The following WNK2 variants were observed in gnomAD, a reference collection of about 807,000 sequenced individuals.
WNK2 encodes the protein WNK lysine deficient protein kinase 2.
WNK2 carries 67 observed loss-of-function variants against 192.1 expected under a neutral mutation model. The observed-to-expected ratio is 0.35, with a 90% CI of 0.29 to 0.43. The LOEUF (loss-of-function observed/expected upper bound fraction) is 0.43. Among genes scored for constraint, WNK2 ranks in the 20% least tolerant of loss-of-function variants. The pLI, the probability that WNK2 is intolerant of heterozygous loss-of-function variation, is 1.00. For missense variants in WNK2, 2,698 were observed against 3,089.7 expected (o/e 0.87, Z 3.01); for synonymous variants, 1,439 against 1,393.9 (o/e 1.03, Z -0.72).
intron 8 of WNK2, among the ~76,000 whole-genome samples, chr9:93,250,782 CTT>C (rs35468086): frequency 8.4e-6 from 1 of 118,620 alleles, no homozygotes; most frequent in Non-Finnish European, 1.7e-5. Flanking sequence ...AACTCATTCA[CTT>C]TTTTTTTTTT....
intron 2 of WNK2, among the ~76,000 whole-genome samples, chr9:93,196,367 C>G (rs963150830): frequency 2.0e-5 from 3 of 152,196 alleles, no homozygotes; most frequent in African/African-American, 7.2e-5. Context: ...AATCTGGAAT[C>G]TGGAGATGGC....
At chr9:93,303,309 G>A (rs1178137816) in intron 26 of WNK2, among the ~76,000 whole-genome samples, 1 of 152,162 alleles carries the variant, frequency 6.6e-6, no homozygotes, top group African/African-American at 2.4e-5. Flanking sequence ...GGTTCTGTTG[G>A]TTCTGCTTGT....
At chr9:93,187,208 T>C (rs1829503404) in intron 2 of WNK2, among the ~76,000 whole-genome samples, 2 of 152,132 alleles carry the variant, frequency 1.3e-5, no homozygotes. Flanking sequence ...CGCAGGCGCA[T>C]GTGACTCTTG....
chr9:93,231,751 G>A (rs972935978), intron 4 of WNK2, among the ~76,000 whole-genome samples: 1 of 152,224 alleles, frequency 6.6e-6, no homozygotes, highest in African/African-American at 2.4e-5. Context: ...GCCCTCCTGT[G>A]AGAAGCCTTC....
intron 2 of WNK2, among the ~76,000 whole-genome samples, chr9:93,186,067 G>A (rs1829265574): frequency 1.3e-5 from 2 of 152,118 alleles, no homozygotes; most frequent in African/African-American, 4.8e-5. Context: ...GCTCTGGGCT[G>A]CCCATAAATT....
chr9:93,268,043 C>G lies in WNK2; in HGVS notation c.3891C>G (p.Asn1297Lys). ...TGEESRQSQANAPVYQQNVLH... is the reference protein window; with the variant it reads ...TGEESRQSQAKAPVYQQNVLH... ...AGGAGAGCCGACAATCCCAAGCCAA[C>G]GCCCCCGTGTATCAGCAGAACGGTG... is the stretch of plus-strand genomic sequence containing the variant. Residue 1297 changes from asparagine to lysine, a missense_variant, in exon 18 of 30, where the codon AAC (asparagine) becomes AAG (lysine). This residue lies in a region of WNK2 where 1,098 missense variants were observed against 1,101.0 expected (regional missense o/e 1.00). Coordinates refer to ENST00000427277, the MANE Select transcript of WNK2 (RefSeq NM_006648.4). The G allele has an allele frequency of 3.1e-6, 5 of 1,612,170 alleles. No homozygotes were observed. The highest frequency in any genetic ancestry group is 4.2e-6 in the Non-Finnish European group (5 of 1,179,188).
At chr9:93,193,335 T>TG (rs1479144148) in intron 2 of WNK2, among the ~76,000 whole-genome samples, 1 of 152,190 alleles carries the variant, frequency 6.6e-6, no homozygotes, top group African/African-American at 2.4e-5. Context: ...CCTTCATGGC[T>TG]GGGGGCTCTA....
chr9:93,306,910 G>C (rs758288774), intron 27 of WNK2, 89 bp downstream of exon 27: 88 of 1,548,118 alleles, frequency 5.7e-5, no homozygotes, highest in Non-Finnish European at 7.7e-5. Flanking sequence ...GCGGCCGGGC[G>C]GGCGTGGGCC....
rs576402016 is a variant in WNK2 at position 93,199,694 on chromosome 9, C to T, written c.681+14084C>T. 1.8e-3 allele frequency among the ~76,000 whole-genome samples: 278 copies of T among 152,020 alleles called. 1 individual carries two copies. The highest frequency in any genetic ancestry group is 2.1e-3 in the Non-Finnish European group (142 of 67,974). On this transcript the variant is annotated intron_variant, in intron 2 of 29. Coordinates refer to ENST00000427277, the MANE Select transcript of WNK2 (RefSeq NM_006648.4). ...CGGGTGGATCACGAGGTCAGGAGAT[C>T]GAGACCATCCTGGCTAACTCGGTGA... is the stretch of plus-strand genomic sequence containing the variant.
At chr9:93,319,022 A>T in intron 29 of WNK2, 1 of 1,540,560 alleles carries the variant, frequency 6.5e-7, no homozygotes, top group Non-Finnish European at 8.8e-7. Flanking sequence ...CCAGGGCACG[A>T]TGCTGTCGTA....
chr9:93,252,382 C>T (rs934127722), intron 8 of WNK2, among the ~76,000 whole-genome samples: 2 of 152,264 alleles, frequency 1.3e-5, no homozygotes, highest in African/African-American at 4.8e-5. Context: ...CTCTCAAGGC[C>T]TCTCTGCGGG....
intron 2 of WNK2, among the ~76,000 whole-genome samples, chr9:93,224,484 G>A (rs112034426): frequency 3.3e-4 from 51 of 152,322 alleles, no homozygotes; most frequent in African/African-American, 1.1e-3. Context: ...TGCTGGGAAG[G>A]GCCGTTGGGA....
chr9:93,284,347 A>G (rs13292831), intron 19 of WNK2, among the ~76,000 whole-genome samples: 58,549 of 152,092 alleles, frequency 0.38, 13,354 homozygotes, highest in Admixed American at 0.51. Context: ...ACATGAAAAG[A>G]GTATGTATGA....
intron 2 of WNK2, among the ~76,000 whole-genome samples, chr9:93,206,932 C>A (rs1330686789): frequency 6.6e-6 from 1 of 152,132 alleles, no homozygotes; most frequent in East Asian, 1.9e-4. Flanking sequence ...GCTCTGCCAC[C>A]CCCTGGGAAT....
chr9:93,287,187 A>G (rs1017299960), intron 19 of WNK2, among the ~76,000 whole-genome samples: 2 of 152,244 alleles, frequency 1.3e-5, no homozygotes, highest in African/African-American at 2.4e-5. Context: ...TTAAAAAACA[A>G]TAAAGAGCCA....
At chr9:93,304,711 G>A (rs1010382733) in intron 26 of WNK2, among the ~76,000 whole-genome samples, 4 of 152,264 alleles carry the variant, frequency 2.6e-5, no homozygotes, top group South Asian at 4.1e-4. Flanking sequence ...AATCGAGGCC[G>A]AGGCTCTGGA....
At chr9:93,217,199 C>T (rs949720724) in intron 2 of WNK2, among the ~76,000 whole-genome samples, 1 of 152,098 alleles carries the variant, frequency 6.6e-6, no homozygotes, top group Non-Finnish European at 1.5e-5. Flanking sequence ...CCTCGTGATC[C>T]GCCTGCCTCG....
rs369063962 is a variant in WNK2 at position 93,314,899 on chromosome 9, T to G, written c.6517-2621T>G. 2.3e-4 allele frequency among the ~76,000 whole-genome samples: 35 copies of G among 151,072 alleles called. No homozygotes were observed. In the South Asian group the frequency reaches 2.5e-3, roughly 11 times the overall value. On this transcript the variant is annotated intron_variant, in intron 28 of 29. Coordinates refer to ENST00000427277, the MANE Select transcript of WNK2 (RefSeq NM_006648.4). ...TCTGGGGAGGCTTTCCCGGGGGGGG[T>G]TTTGCTGAAGCTTTGGCTAACATTC...
Position 93,230,018 on chromosome 9 carries a change from A to T in WNK2, c.854+150A>T, listed in dbSNP as rs1441528957. 1.9e-5 allele frequency: 19 copies of T among 1,013,136 alleles called. No individual in the cohort carries two copies. The Admixed American group carries it at 3.0e-4, about 16-fold the overall frequency. The allele number at this position is 1,013,136 out of a possible 1,614,324, so 62.8% of individuals were successfully genotyped here. ...TTCCTCTCCTGCATGGGATGCCAGG[A>T]GGTGGTTTACTTCCCAGGGAGATGG... On this transcript the variant is annotated intron_variant, in intron 3 of 29. Coordinates refer to ENST00000427277, the MANE Select transcript of WNK2 (RefSeq NM_006648.4).
Sources: allele counts gnomAD v4.1 joint callset (sites outside exome capture counted in the v4.1 genomes callset), GRCh38; gene constraint gnomAD v4.1.1; regional missense constraint gnomAD v4.1.1; transcripts MANE v1.5; gene names NCBI Gene and HGNC (gene_info 2026-07-23, HGNC 2026-07-21).